The following ARHGAP24 variants were observed in gnomAD, a reference collection of about 807,000 sequenced individuals.
ARHGAP24 encodes Rho GTPase activating protein 24.
In ARHGAP24, 50 loss-of-function variants were observed where a neutral mutation model predicts 76.4. The observed-to-expected ratio is 0.65, with a 90% CI of 0.52 to 0.83. ARHGAP24 has a LOEUF of 0.83. Ranked by LOEUF, ARHGAP24 falls within the 40% of genes least tolerant of loss-of-function variation. The probability of loss-of-function intolerance (pLI) is 0.00; values close to 1 mark genes in which losing one functional copy is unlikely to be tolerated. For synonymous variants in ARHGAP24, 345 were observed against 323.3 expected (o/e 1.07, Z -0.72); for missense variants, 930 against 914.2 (o/e 1.02, Z -0.22).
chr4:85,556,447 A>G (rs1006698309), intron 1 of ARHGAP24, among the ~76,000 whole-genome samples: 2 of 152,124 alleles, frequency 1.3e-5, no homozygotes, highest in Non-Finnish European at 2.9e-5. Flanking sequence ...TCCATATGAT[A>G]GCTGCAGCTT....
rs199568354 is a variant in ARHGAP24 at position 85,995,009 on chromosome 4, C to A, written c.1355C>A (p.Thr452Asn). The change falls in exon 9 of 10, where the codon ACC becomes AAC. Residue 452 changes from threonine (T) to asparagine (N), a missense_variant. Thr to Asn is a moderately conservative substitution (Grantham distance 65, BLOSUM62 0). Coordinates refer to ENST00000395184, the MANE Select transcript of ARHGAP24 (RefSeq NM_001025616.3). Reference sequence around the variant, plus strand: ...GAAGGTCTTGAGAAAACCCAAACCACCCCCAATGGGAGCCTACAGGCCAGA... The same window carrying A: ...GAAGGTCTTGAGAAAACCCAAACCAACCCCAATGGGAGCCTACAGGCCAGA... ...NAEGLEKTQT[T>N]PNGSLQARRS... The A allele has an allele frequency of 6.2e-7, 1 of 1,614,054 alleles. No homozygotes were observed. Among genetic ancestry groups the A allele is most frequent in the African/African-American group, 1.3e-5 (1 of 74,994 alleles).
At chr4:85,632,985 T>C (rs978782906) in intron 2 of ARHGAP24, among the ~76,000 whole-genome samples, 8 of 151,914 alleles carry the variant, frequency 5.3e-5, no homozygotes, top group Non-Finnish European at 8.8e-5. Context: ...TTTTTTTCTT[T>C]TATATGTATG....
intron 3 of ARHGAP24, among the ~76,000 whole-genome samples, chr4:85,768,247 T>C (rs1727000627): frequency 6.6e-6 from 1 of 152,214 alleles, no homozygotes; most frequent in African/African-American, 2.4e-5. Context: ...ATCTAAAGAT[T>C]GGATTTAAAA....
intron 2 of ARHGAP24, among the ~76,000 whole-genome samples, chr4:85,615,307 T>C (rs1578079434): frequency 6.6e-6 from 1 of 152,172 alleles, no homozygotes; most frequent in Non-Finnish European, 1.5e-5. Flanking sequence ...TATTTTACTT[T>C]GCTATATTCT....
intron 1 of ARHGAP24, among the ~76,000 whole-genome samples, chr4:85,487,621 T>TATTTATTACATATTATATAAAC (rs1420096380): frequency 9.2e-5 from 10 of 109,116 alleles, no homozygotes; most frequent in African/African-American, 3.5e-4. Context: ...TATAAACATA[T>TATTTATTACATATTATATAAAC]ATTTATTACA....
chr4:85,823,849 T>TCCCCC (rs1578263498), intron 3 of ARHGAP24, among the ~76,000 whole-genome samples: 1 of 144,006 alleles, frequency 6.9e-6, no homozygotes, highest in Non-Finnish European at 1.5e-5. Context: ...CTCCCTCCCT[T>TCCCCC]CCCTCCCCTC....
At chr4:85,700,846 T>G (rs1438938909) in intron 2 of ARHGAP24, among the ~76,000 whole-genome samples, 1 of 152,202 alleles carries the variant, frequency 6.6e-6, no homozygotes, top group Non-Finnish European at 1.5e-5. Flanking sequence ...TTTTTGAAAT[T>G]TATCTGGTAT....
At position 85,930,297 on chromosome 4, in the gene ARHGAP24, G is replaced by T. The variant is rs1053745623; in HGVS notation, c.391+6527G>T. 4 of 985,914 alleles carry T rather than the reference G, an allele frequency of 4.1e-6. No homozygotes were observed. The South Asian group carries it at 1.9e-4, about 46-fold the overall frequency. 61.1% of individuals were successfully genotyped at this position (985,914 alleles called of 1,614,324 possible). ...CGGGAGTTTGAAGACAGAAAGGAAAGGGGAGAAACCTGCAGAGAGCATCAA... is the reference window on the plus strand; with the variant it reads ...CGGGAGTTTGAAGACAGAAAGGAAATGGGAGAAACCTGCAGAGAGCATCAA... On this transcript the variant is annotated intron_variant, in intron 4 of 9. Transcript: ENST00000395184.
At position 85,623,571 on chromosome 4, in the gene ARHGAP24, C is replaced by T. The variant is rs528707507; in HGVS notation, c.180+52850C>T. Among the ~76,000 whole-genome samples the T allele has an allele frequency of 2.4e-4, 36 of 152,162 alleles. No individual in the cohort carries two copies. In the East Asian group the frequency reaches 5.6e-3, roughly 24 times the overall value. On this transcript the variant is annotated intron_variant, in intron 2 of 9. Transcript: ENST00000395184. ...TTGGCTTGGGATTGACTTTGTGATG[C>T]GGGCTCTTTTTTGGTTCCATATGAA...
chr4:85,787,333 T>A (rs999125132), intron 3 of ARHGAP24, among the ~76,000 whole-genome samples: 16 of 152,204 alleles, frequency 1.1e-4, no homozygotes, highest in Non-Finnish European at 2.4e-4. Context: ...TTCAACTTTG[T>A]TTATCTTAGA....
intron 1 of ARHGAP24, among the ~76,000 whole-genome samples, chr4:85,531,210 A>G (rs1431657792): frequency 6.6e-6 from 1 of 152,052 alleles, no homozygotes. Flanking sequence ...AGATTCAACA[A>G]CAGAAATGTA....
chr4:85,607,200 G>A (rs1009700707), intron 2 of ARHGAP24, among the ~76,000 whole-genome samples: 3 of 152,188 alleles, frequency 2.0e-5, no homozygotes, highest in African/African-American at 7.2e-5. Context: ...ATGGTCAGAT[G>A]ATTTCCATTC....
At chr4:85,915,755 CT>C (rs1423663057) in intron 3 of ARHGAP24, among the ~76,000 whole-genome samples, 1 of 152,132 alleles carries the variant, frequency 6.6e-6, no homozygotes, top group East Asian at 1.9e-4. Flanking sequence ...TGAACTCATC[CT>C]TTTTTATGGC....
At chr4:85,933,139 C>T (rs776027817) in intron 4 of ARHGAP24, among the ~76,000 whole-genome samples, 18 of 152,056 alleles carry the variant, frequency 1.2e-4, no homozygotes, top group Non-Finnish European at 1.9e-4. Context: ...TTCTGCGTTC[C>T]TCTCCCAAGC....
Position 85,864,806 on chromosome 4 carries a change from A to AT in ARHGAP24, c.269-58842_269-58841insT, listed in dbSNP as rs536659439. ...CCAGTTAGGGAGAGGGAATTTATGC[A>AT]GTTTTTGTATTTGTTTGATTTTTCT... is the stretch of plus-strand genomic sequence containing the variant. On this transcript the variant is annotated intron_variant, in intron 3 of 9. Coordinates refer to ENST00000395184, the MANE Select transcript of ARHGAP24 (RefSeq NM_001025616.3). Among the ~76,000 whole-genome samples the AT allele has an allele frequency of 7.9e-5, 12 of 152,206 alleles. No individual in the cohort carries two copies. In the South Asian group the frequency reaches 2.3e-3, roughly 29 times the overall value.
At chr4:85,883,751 C>G (rs1733393604) in intron 3 of ARHGAP24, among the ~76,000 whole-genome samples, 1 of 152,116 alleles carries the variant, frequency 6.6e-6, no homozygotes, top group South Asian at 2.1e-4. Context: ...AACACACAGA[C>G]AGATGTTAGC....
At chr4:85,824,268 A>G (rs1421240695) in intron 3 of ARHGAP24, among the ~76,000 whole-genome samples, 1 of 152,242 alleles carries the variant, frequency 6.6e-6, no homozygotes, top group African/African-American at 2.4e-5. Context: ...TTCACAGCTT[A>G]TAAGTATTAT....
At chr4:85,989,711 G>A (rs1262835404) in intron 8 of ARHGAP24, among the ~76,000 whole-genome samples, 1 of 151,648 alleles carries the variant, frequency 6.6e-6, no homozygotes, top group East Asian at 1.9e-4. Flanking sequence ...ATCCCAGGAA[G>A]ACAGGTTGGT....
At chr4:85,894,215 A>G (rs190170682) in intron 3 of ARHGAP24, among the ~76,000 whole-genome samples, 21 of 152,014 alleles carry the variant, frequency 1.4e-4, no homozygotes, top group Admixed American at 5.2e-4. Flanking sequence ...GTACATCTGG[A>G]TGGCAAAAGA....
Sources: gnomAD v4.1 joint callset for allele counts (sites outside exome capture counted in the v4.1 genomes callset) on GRCh38, gnomAD v4.1.1 for gene constraint, MANE v1.5 for transcripts, NCBI Gene and HGNC (gene_info 2026-07-23, HGNC 2026-07-21) for gene names.